The following TAFA5 variants were observed in gnomAD, a reference collection of about 807,000 sequenced individuals.
The protein encoded by TAFA5 is chemokine-like protein TAFA-5.
In TAFA5, 6 loss-of-function variants were observed where a neutral mutation model predicts 15.3. That is an observed-to-expected ratio of 0.39 (90% confidence interval 0.21 to 0.77). The LOEUF (loss-of-function observed/expected upper bound fraction) is 0.77. Among genes scored for constraint, TAFA5 ranks in the 30% least tolerant of loss-of-function variants. TAFA5 has a pLI of 0.41. For missense variants in TAFA5, 161 were observed against 193.1 expected, an observed-to-expected ratio of 0.83 and a Z score of 0.98; for synonymous variants, 103 against 80.7, an observed-to-expected ratio of 1.28 and a Z score of -1.48.
chr22:48,732,585 C>G (rs1929899531), intron 3 of TAFA5, among the ~76,000 whole-genome samples: 1 of 152,124 alleles, frequency 6.6e-6, no homozygotes, highest in Non-Finnish European at 1.5e-5. Context: ...GGAATCTGCC[C>G]CTGGTGAAGA....
At chr22:48,542,449 A>G (rs1307648013) in intron 1 of TAFA5, among the ~76,000 whole-genome samples, 267 of 42,662 alleles carry the variant, frequency 6.3e-3, no homozygotes, top group East Asian at 8.2e-3. Flanking sequence ...TGTGTGGTGT[A>G]TGTGCGGGTG....
intron 1 of TAFA5, among the ~76,000 whole-genome samples, chr22:48,551,394 C>G (rs578182137): frequency 1.3e-5 from 2 of 152,182 alleles, no homozygotes; most frequent in Non-Finnish European, 2.9e-5. Context: ...ACAGCAGACC[C>G]GTATCCTCTC....
At chr22:48,700,420 A>G (rs1218747009) in intron 2 of TAFA5, among the ~76,000 whole-genome samples, 1 of 152,188 alleles carries the variant, frequency 6.6e-6, no homozygotes. Context: ...CTCCCGGGGC[A>G]GAGCAGGCCG....
At chr22:48,649,620 G>A (rs959218385) in intron 2 of TAFA5, among the ~76,000 whole-genome samples, 1 of 152,162 alleles carries the variant, frequency 6.6e-6, no homozygotes, top group Non-Finnish European at 1.5e-5. Flanking sequence ...ATCCTGGGGC[G>A]AGCTGGGGCA....
chr22:48,608,918 C>G (rs2147171789), intron 1 of TAFA5, among the ~76,000 whole-genome samples: 1 of 152,374 alleles, frequency 6.6e-6, no homozygotes, highest in East Asian at 1.9e-4. Flanking sequence ...TAGGGCCATG[C>G]TTTGCTGTCC....
intron 2 of TAFA5, among the ~76,000 whole-genome samples, chr22:48,650,124 C>T (rs1182272062): frequency 9.2e-5 from 14 of 152,166 alleles, no homozygotes; most frequent in East Asian, 5.8e-4. Context: ...TAAGTTTCCT[C>T]GCATGTGAAT....
chr22:48,575,723 C>A (rs954569493), intron 1 of TAFA5, among the ~76,000 whole-genome samples: 99 of 145,380 alleles, frequency 6.8e-4, no homozygotes, highest in African/African-American at 2.1e-3. Context: ...CAGAGGCCGG[C>A]ACCGTCCGGT....
intron 1 of TAFA5, among the ~76,000 whole-genome samples, chr22:48,503,401 C>T (rs147331050): frequency 3.9e-5 from 6 of 152,356 alleles, no homozygotes; most frequent in South Asian, 4.1e-4. Flanking sequence ...ACATTGTGGA[C>T]GGGCCTTGCC....
At chr22:48,689,792 GA>G (rs1285510099) in intron 2 of TAFA5, among the ~76,000 whole-genome samples, 4 of 152,166 alleles carry the variant, frequency 2.6e-5, no homozygotes, top group Admixed American at 2.6e-4. Flanking sequence ...CATAACAGGT[GA>G]GGGGGGCCAC....
At chr22:48,653,220 C>T (rs976559018) in intron 2 of TAFA5, among the ~76,000 whole-genome samples, 6 of 152,208 alleles carry the variant, frequency 3.9e-5, no homozygotes, top group Non-Finnish European at 7.3e-5. Flanking sequence ...CACACCCCTC[C>T]GTTCCATTCT....
intron 2 of TAFA5, among the ~76,000 whole-genome samples, chr22:48,687,697 G>C (rs1928407471): frequency 6.6e-6 from 1 of 152,124 alleles, no homozygotes; most frequent in Admixed American, 6.5e-5. Context: ...CCCAGTGACA[G>C]ATCCACAACC....
intron 1 of TAFA5, among the ~76,000 whole-genome samples, chr22:48,553,404 C>T (rs888239607): frequency 1.1e-4 from 17 of 152,334 alleles, no homozygotes; most frequent in Middle Eastern, 3.4e-3. Context: ...CGGAGGCGCC[C>T]GGGCCAGAGG....
intron 1 of TAFA5, among the ~76,000 whole-genome samples, chr22:48,576,016 G>A (rs1923770035): frequency 7.0e-6 from 1 of 142,486 alleles, no homozygotes; most frequent in Non-Finnish European, 1.6e-5. Flanking sequence ...GACAGGCGGA[G>A]GAGGGGGCCG....
chr22:48,524,613 A>G (rs1198141591), intron 1 of TAFA5, among the ~76,000 whole-genome samples: 3 of 152,160 alleles, frequency 2.0e-5, no homozygotes, highest in Non-Finnish European at 4.4e-5. Flanking sequence ...CACCCCTTTT[A>G]GGGGCCCCCA....
Position 48,720,879 on chromosome 22 carries a change from G to A in TAFA5, c.390+13035G>A, listed in dbSNP as rs535948833. Among the ~76,000 whole-genome samples, 555 of 152,260 alleles carry A rather than the reference G, an allele frequency of 3.6e-3. 2 individuals are homozygous for A. The highest frequency in any genetic ancestry group is 0.01 in the Middle Eastern group (3 of 292). The stretch of plus-strand genomic sequence containing the variant: ...ATGCCCTGGAAGGGCTCCACGTCCT[G>A]CCCAGACCCCTGGGGACCCTTTCTG... On this transcript the variant is annotated intron_variant, in intron 3 of 3. Coordinates refer to ENST00000402357, the MANE Select transcript of TAFA5 (RefSeq NM_001082967.3).
At chr22:48,725,231 A>C (rs1399938847) in intron 3 of TAFA5, among the ~76,000 whole-genome samples, 1 of 152,192 alleles carries the variant, frequency 6.6e-6, no homozygotes, top group East Asian at 1.9e-4. Context: ...GAGACTGGAG[A>C]CGAGCTCCCC....
chr22:48,546,546 A>G (rs755945458), intron 1 of TAFA5: 11 of 470,978 alleles, frequency 2.3e-5, no homozygotes, highest in South Asian at 1.7e-4. Flanking sequence ...GGGATGAGAG[A>G]TACGGATGAT....
At chr22:48,623,168 G>A (rs1425119448) in intron 1 of TAFA5, among the ~76,000 whole-genome samples, 4 of 152,262 alleles carry the variant, frequency 2.6e-5, no homozygotes, top group South Asian at 2.1e-4. Flanking sequence ...ACGGCGGTGG[G>A]ATGGATGAGC....
At chr22:48,722,473 C>T (rs550723605) in intron 3 of TAFA5, among the ~76,000 whole-genome samples, 14 of 152,126 alleles carry the variant, frequency 9.2e-5, no homozygotes, top group South Asian at 8.3e-4. Flanking sequence ...AACCAAACAC[C>T]GCGTGTTCTC....
Sources: allele counts gnomAD v4.1 joint callset (sites outside exome capture counted in the v4.1 genomes callset), GRCh38; gene constraint gnomAD v4.1.1; transcripts MANE v1.5; gene names NCBI Gene and HGNC (gene_info 2026-07-23, HGNC 2026-07-21).